Variants in AZIN2 observed in about 807,000 individuals in gnomAD.
AZIN2 encodes the protein ODC antizyme inhibitor-2.
A neutral mutation model predicts 47.8 loss-of-function variants in AZIN2; 28 were observed. The ratio of observed to expected loss-of-function variants is 0.59; its 90% CI spans 0.43 to 0.80. The LOEUF (loss-of-function observed/expected upper bound fraction) is 0.80. AZIN2 is among the 30% of genes least tolerant of loss of function. The pLI, the probability that AZIN2 is intolerant of heterozygous loss-of-function variation, is 0.00. For synonymous variants in AZIN2, 221 were observed against 239.4 expected, an observed-to-expected ratio of 0.92 and a Z score of 0.71; for missense variants, 535 against 582.5, an observed-to-expected ratio of 0.92 and a Z score of 0.84.
the AZIN2 span, among the ~76,000 whole-genome samples, chr1:33,135,454 C>T: frequency 2.9e-4 from 44 of 152,218 alleles, no homozygotes; most frequent in Non-Finnish European, 5.6e-4. Context: ...GGCAGTCCCT[C>T]AATAAATTCT....
At chr1:33,133,299 A>G in the AZIN2 span, among the ~76,000 whole-genome samples, 1 of 152,264 alleles carries the variant, frequency 6.6e-6, no homozygotes, top group African/African-American at 2.4e-5. Context: ...TGTCGCCTCA[A>G]GAGAGGAAGG....
chr1:33,129,258 C>T, the AZIN2 span, among the ~76,000 whole-genome samples: 1 of 152,176 alleles, frequency 6.6e-6, no homozygotes, highest in East Asian at 1.9e-4. The surrounding 1 kb of genome is among the most constrained non-coding windows in gnomAD (Gnocchi z 4.1). Context: ...GTTAAAGTTA[C>T]TTATGGGTTG....
At chr1:33,110,139 G>C (rs768998983) in intron 10 of AZIN2, among the ~76,000 whole-genome samples, 5 of 152,132 alleles carry the variant, frequency 3.3e-5, no homozygotes, top group Non-Finnish European at 5.9e-5. Context: ...TTTTGATCTT[G>C]GTAGTGATTG....
At chr1:33,094,737 A>G (rs804428) in intron 8 of AZIN2, 24 bp downstream of exon 8, 1,541,845 of 1,612,750 alleles carry the variant, frequency 0.96, 737,323 homozygotes, top group East Asian at 1. Context: ...TGGGAGTGTC[A>G]TGCTGGGCTC....
At chr1:33,104,982 T>A (rs905953050) in intron 10 of AZIN2, among the ~76,000 whole-genome samples, 4 of 152,230 alleles carry the variant, frequency 2.6e-5, no homozygotes, top group African/African-American at 9.6e-5. Flanking sequence ...CCACCACGCC[T>A]GACCTGATAA....
chr1:33,162,082 C>G, the AZIN2 span, among the ~76,000 whole-genome samples: 1 of 152,206 alleles, frequency 6.6e-6, no homozygotes, highest in Non-Finnish European at 1.5e-5. Flanking sequence ...CTCACTTGGT[C>G]TACAAGTCAA....
intron 5 of AZIN2, among the ~76,000 whole-genome samples, chr1:33,090,049 A>C (rs1284482548): frequency 1.3e-5 from 2 of 152,204 alleles, no homozygotes; most frequent in Non-Finnish European, 2.9e-5. Flanking sequence ...ACTGAATAAA[A>C]GGGTGAATCC....
At chr1:33,101,984 C>A in intron 10 of AZIN2, 1 of 707,030 alleles carries the variant, frequency 1.4e-6, no homozygotes, top group South Asian at 1.5e-5. Context: ...GTGAATACTG[C>A]TGCTGTGAAT....
Position 33,107,922 on chromosome 1 carries a change from A to G in AZIN2, c.1029+9743A>G, listed in dbSNP as rs1183407602. Among the ~76,000 whole-genome samples the G allele has an allele frequency of 2.0e-5, 3 of 152,230 alleles. No individual in the cohort carries two copies. In the East Asian group the frequency reaches 5.8e-4, roughly 29 times the overall value. On this transcript the variant is annotated intron_variant, in intron 10 of 11. Coordinates refer to ENST00000294517, the MANE Select transcript of AZIN2 (RefSeq NM_052998.4). ...CTACCCAAAGCGATCCATAGATTCAATGCAGTCCCTATCAAAATTCCAATG... is the reference window on the plus strand; with the variant it reads ...CTACCCAAAGCGATCCATAGATTCAGTGCAGTCCCTATCAAAATTCCAATG...
At chr1:33,131,253 T>A in the AZIN2 span, among the ~76,000 whole-genome samples, 1 of 152,262 alleles carries the variant, frequency 6.6e-6, no homozygotes, top group African/African-American at 2.4e-5. Flanking sequence ...TCTCCACAAA[T>A]GTTTACTAAG....
chr1:33,098,234 A>G, intron 10 of AZIN2, 55 bp downstream of exon 10: 1 of 1,294,056 alleles, frequency 7.7e-7, no homozygotes, highest in Non-Finnish European at 1.1e-6. Flanking sequence ...TTTCAATAAC[A>G]TTTGTTGTGT....
intron 5 of AZIN2, among the ~76,000 whole-genome samples, chr1:33,090,041 T>C (rs189243451): frequency 1.3e-5 from 2 of 152,166 alleles, no homozygotes; most frequent in African/African-American, 2.4e-5. Flanking sequence ...TGGCAAGGAC[T>C]GAATAAAAGG....
rs770511536 is a variant in AZIN2, at chr1:33,098,392, CAT to C, written c.1029+216_1029+217del. Among the ~76,000 whole-genome samples the C allele has an allele frequency of 5.4e-4, 83 of 152,314 alleles. 1 individual carries two copies. The highest frequency in any genetic ancestry group is 2.6e-3 in the Admixed American group (40 of 15,302). Reference sequence around the variant, plus strand: ...TATACTTTTTTCATGACATTGGAATCATATTGTTTTGTAACCTGCTTTTTCCA... The same window carrying C: ...TATACTTTTTTCATGACATTGGAATCATTGTTTTGTAACCTGCTTTTTCCA... On this transcript the variant is annotated intron_variant, in intron 10 of 11. Transcript: ENST00000294517.
chr1:33,154,231 C>T, the AZIN2 span, among the ~76,000 whole-genome samples: 1 of 150,426 alleles, frequency 6.6e-6, no homozygotes, highest in African/African-American at 2.5e-5. Flanking sequence ...GAGGCTGAGA[C>T]TAAGTTCTGG....
chr1:33,147,740 G>C, the AZIN2 span: 2 of 1,602,578 alleles, frequency 1.2e-6, no homozygotes. The surrounding 1 kb of genome is among the most constrained non-coding windows in gnomAD (Gnocchi z 8.1). Flanking sequence ...GTGGGGGTTG[G>C]AGGAGGGAGA....
the AZIN2 span, among the ~76,000 whole-genome samples, chr1:33,152,322 T>C: frequency 6.6e-6 from 1 of 152,074 alleles, no homozygotes; most frequent in African/African-American, 2.4e-5. Context: ...TTCCAGCACT[T>C]TGGGAGGCCG....
At chr1:33,107,161 G>C (rs572820323) in intron 10 of AZIN2, among the ~76,000 whole-genome samples, 7 of 152,214 alleles carry the variant, frequency 4.6e-5, no homozygotes, top group Admixed American at 4.6e-4. Flanking sequence ...ATGTGTGCCT[G>C]TAATCCTAGC....
At chr1:33,112,249 A>G (rs899738104) in intron 10 of AZIN2, among the ~76,000 whole-genome samples, 4 of 152,220 alleles carry the variant, frequency 2.6e-5, no homozygotes, top group African/African-American at 9.6e-5. Flanking sequence ...GTCCTACATT[A>G]CAGCAAGTTC....
At chr1:33,152,491 T>C in the AZIN2 span, among the ~76,000 whole-genome samples, 1 of 149,898 alleles carries the variant, frequency 6.7e-6, no homozygotes, top group South Asian at 2.1e-4. Flanking sequence ...CGCTTGAATC[T>C]GGGAGGCGGA....
Sources: allele counts gnomAD v4.1 joint callset (sites outside exome capture counted in the v4.1 genomes callset), GRCh38; gene constraint gnomAD v4.1.1; non-coding constraint Gnocchi (gnomAD v3.1); transcripts MANE v1.5; gene names NCBI Gene and HGNC (gene_info 2026-07-23, HGNC 2026-07-21).